CDH12: variants seen among roughly 807,000 people sequenced by gnomAD.
CDH12 encodes cadherin 12.
CDH12 carries 41 observed loss-of-function variants against 74.1 expected under a neutral mutation model. The ratio of observed to expected loss-of-function variants is 0.55; its 90% CI spans 0.43 to 0.72. CDH12 has a LOEUF of 0.72. Among genes scored for constraint, CDH12 ranks in the 30% least tolerant of loss-of-function variants. The pLI is 0.00. For missense variants in CDH12, 945 were observed against 977.2 expected, an observed-to-expected ratio of 0.97 and a Z score of 0.44; for synonymous variants, 399 against 355.0, an observed-to-expected ratio of 1.12 and a Z score of -1.39.
At chr5:22,651,057 T>C (rs1043565777) in intron 1 of CDH12, among the ~76,000 whole-genome samples, 1 of 152,096 alleles carries the variant, frequency 6.6e-6, no homozygotes, top group African/African-American at 2.4e-5. Context: ...ATAAGATAAC[T>C]TACTCAAAGT....
chr5:21,840,845 C>A (rs1749802446), intron 8 of CDH12, among the ~76,000 whole-genome samples: 1 of 152,166 alleles, frequency 6.6e-6, no homozygotes, highest in African/African-American at 2.4e-5. Context: ...ACACCTTACA[C>A]AAAAACCAAT....
intron 3 of CDH12, among the ~76,000 whole-genome samples, chr5:22,220,013 T>C (rs1453388762): frequency 6.6e-6 from 1 of 151,762 alleles, no homozygotes; most frequent in East Asian, 1.9e-4. Context: ...TTATGTCCAA[T>C]TGGATGCAGG....
At chr5:21,955,402 G>A (rs1436138839) in intron 6 of CDH12, among the ~76,000 whole-genome samples, 1 of 151,688 alleles carries the variant, frequency 6.6e-6, no homozygotes, top group Non-Finnish European at 1.5e-5. Flanking sequence ...TTCTAGTTAT[G>A]GTGGGATATT....
chr5:22,630,817 CA>C (rs1738545165), intron 1 of CDH12, among the ~76,000 whole-genome samples: 1 of 151,826 alleles, frequency 6.6e-6, no homozygotes, highest in Non-Finnish European at 1.5e-5. Context: ...AGGTTCTGCA[CA>C]ACAAAGGAAA....
intron 5 of CDH12, among the ~76,000 whole-genome samples, chr5:22,030,066 G>T (rs966596209): frequency 1.6e-5 from 2 of 128,354 alleles, no homozygotes; most frequent in East Asian, 2.6e-4. Flanking sequence ...TGAACAATGA[G>T]AACACATGGA....
chr5:21,875,173 T>A (rs915421465), intron 6 of CDH12, among the ~76,000 whole-genome samples: 3 of 152,224 alleles, frequency 2.0e-5, no homozygotes, highest in Admixed American at 6.5e-5. Context: ...GTGTGGCTAA[T>A]CTTTCTAAAA....
At chr5:21,974,228 T>C (rs1449224199) in intron 6 of CDH12, among the ~76,000 whole-genome samples, 3 of 151,346 alleles carry the variant, frequency 2.0e-5, no homozygotes, top group Admixed American at 1.3e-4. Flanking sequence ...GAATTTTAAG[T>C]TGTAACCTAC....
chr5:21,951,030 G>T (rs4028762), intron 6 of CDH12, among the ~76,000 whole-genome samples: 1 of 151,782 alleles, frequency 6.6e-6, no homozygotes, highest in South Asian at 2.1e-4. Context: ...CTTGTGATCT[G>T]CCAGTCTCAG....
At position 22,417,684 on chromosome 5, in the gene CDH12, G is replaced by T. The variant is rs866764155; in HGVS notation, c.-427-12333C>A. ...AAATAGAATAAATCTGAATTCTCAT[G>T]CATTCTTCTGCATTCTATCAGTTGT... On this transcript the variant is annotated intron_variant, in intron 2 of 14. Coordinates refer to ENST00000382254, the MANE Select transcript of CDH12 (RefSeq NM_004061.5). 5.9e-5 allele frequency among the ~76,000 whole-genome samples: 9 copies of T among 152,284 alleles called. No homozygotes were observed. The South Asian group carries it at 1.5e-3, about 25-fold the overall frequency.
chr5:21,858,294 A>T (rs993229855), intron 6 of CDH12, among the ~76,000 whole-genome samples: 8 of 151,932 alleles, frequency 5.3e-5, no homozygotes, highest in African/African-American at 1.9e-4. Context: ...TCATAACATA[A>T]TGTGATCTCA....
chr5:22,811,171 A>T (rs1349966089), intron 1 of CDH12, among the ~76,000 whole-genome samples: 1 of 151,960 alleles, frequency 6.6e-6, no homozygotes, highest in Non-Finnish European at 1.5e-5. Context: ...ACACACACAC[A>T]TATATATTTG....
intron 1 of CDH12, among the ~76,000 whole-genome samples, chr5:22,688,852 T>C (rs17357373): frequency 0.047 from 7,201 of 152,278 alleles, 212 homozygotes; most frequent in Admixed American, 0.074. Context: ...TAGAACTCTG[T>C]GACTGAGAAT....
At chr5:22,423,104 T>A (rs958406037) in intron 2 of CDH12, among the ~76,000 whole-genome samples, 1 of 151,954 alleles carries the variant, frequency 6.6e-6, no homozygotes, top group African/African-American at 2.4e-5. Flanking sequence ...CTTTTGTGTG[T>A]GTGTTGGTGA....
intron 1 of CDH12, among the ~76,000 whole-genome samples, chr5:22,791,833 G>C (rs1323676844): frequency 6.6e-6 from 1 of 152,044 alleles, no homozygotes; most frequent in East Asian, 1.9e-4. Flanking sequence ...AATAGCAAGG[G>C]GGAAATCCGC....
intron 3 of CDH12, among the ~76,000 whole-genome samples, chr5:22,292,341 G>GTTTT (rs60010478): frequency 4.7e-4 from 49 of 105,218 alleles, no homozygotes; most frequent in East Asian, 1.1e-3. Flanking sequence ...TTTGGTTTTT[G>GTTTT]TTTTTTTTTT....
intron 6 of CDH12, among the ~76,000 whole-genome samples, chr5:21,882,364 C>A (rs774307440): frequency 2.6e-5 from 4 of 152,120 alleles, no homozygotes; most frequent in Non-Finnish European, 5.9e-5. Flanking sequence ...ATTACTTTAT[C>A]AGTATTTCAA....
intron 6 of CDH12, among the ~76,000 whole-genome samples, chr5:21,942,462 C>T (rs1755382867): frequency 1.3e-5 from 2 of 149,520 alleles, no homozygotes; most frequent in South Asian, 4.2e-4. Flanking sequence ...CACCTAGGTT[C>T]TTATATTTTT....
At chr5:21,943,672 G>A (rs1054113113) in intron 6 of CDH12, among the ~76,000 whole-genome samples, 4 of 152,048 alleles carry the variant, frequency 2.6e-5, no homozygotes, top group African/African-American at 4.8e-5. Context: ...GATAGAAAAT[G>A]GGAGTTAATA....
intron 3 of CDH12, among the ~76,000 whole-genome samples, chr5:22,379,288 G>A (rs1450527856): frequency 1.3e-5 from 2 of 152,056 alleles, no homozygotes; most frequent in Non-Finnish European, 2.9e-5. Context: ...CTGTGTACTG[G>A]GAAGAAAGGA....
Sources: gnomAD v4.1 joint callset for allele counts (sites outside exome capture counted in the v4.1 genomes callset) on GRCh38, gnomAD v4.1.1 for gene constraint, MANE v1.5 for transcripts, NCBI Gene and HGNC (gene_info 2026-07-23, HGNC 2026-07-21) for gene names.